TMC3: variants seen among roughly 807,000 people sequenced by gnomAD.
TMC3 encodes transmembrane channel like 3.
In TMC3, 98 loss-of-function variants were observed where a neutral mutation model predicts 110.6. That is an observed-to-expected ratio of 0.89 (90% CI 0.75 to 1.05). The LOEUF (loss-of-function observed/expected upper bound fraction) is 1.05, where lower values mean the gene tolerates loss of function less well. Ranked by LOEUF, TMC3 falls within the 50% of genes least tolerant of loss-of-function variation. TMC3 has a pLI of 0.00. For synonymous variants in TMC3, 489 were observed against 513.1 expected, an observed-to-expected ratio of 0.95 and a Z score of 0.63; for missense variants, 1,319 against 1,373.2, an observed-to-expected ratio of 0.96 and a Z score of 0.62.
intron 1 of TMC3, 133 bp from the exon 2 acceptor site, chr15:81,372,870 C>CGTGTGTGTGTGTGTGTGT (rs58420711): frequency 2.2e-5 from 12 of 555,616 alleles, no homozygotes; most frequent in African/African-American, 9.3e-5. Context: ...TGTGTTTGTG[C>CGTGTGTGTGTGTGTGTGT]GTGTGTGTGT....
At chr15:81,359,154 C>T (rs1238739957) in intron 5 of TMC3, among the ~76,000 whole-genome samples, 10 of 152,306 alleles carry the variant, frequency 6.6e-5, no homozygotes, top group South Asian at 6.2e-4. Flanking sequence ...TTGTGCTACA[C>T]GGCAGATTTG....
chr15:81,373,969 G>A lies in TMC3; in HGVS notation c.89+20C>T. 1 of 1,610,910 alleles carries A rather than the reference G, an allele frequency of 6.2e-7. No homozygotes were observed. The highest frequency in any genetic ancestry group is 8.5e-7 in the Non-Finnish European group (1 of 1,178,380). On this transcript the variant is annotated intron_variant, in intron 1 of 21. Transcript: ENST00000359440. Reference sequence around the variant, plus strand: ...ACACACCTGACTCCTCTGCCCAGCTGATGAATGGGGCCAGCTCACCTGAGC... The same window carrying A: ...ACACACCTGACTCCTCTGCCCAGCTAATGAATGGGGCCAGCTCACCTGAGC...
intron 1 of TMC3, 133 bp from the exon 2 acceptor site, chr15:81,372,870 C>CGTGTGTGT (rs58420711): frequency 0.29 from 158,701 of 551,980 alleles, 13,995 homozygotes; most frequent in Non-Finnish European, 0.33. Flanking sequence ...TGTGTTTGTG[C>CGTGTGTGT]GTGTGTGTGT....
chr15:81,367,250 C>G lies in TMC3; in HGVS notation c.312+1003G>C, dbSNP rs535385040. ...TACATTTATCTGATGGAATACCACA[C>G]AGTCATTGAAAACCATTAAATATAA... On this transcript the variant is annotated intron_variant, in intron 3 of 21. Transcript: ENST00000359440. Among the ~76,000 whole-genome samples, 4 of 152,168 alleles carry G rather than the reference C, an allele frequency of 2.6e-5. No individual in the cohort carries two copies. In the South Asian group the frequency reaches 8.3e-4, roughly 32 times the overall value.
chr15:81,336,919 A>G (rs1324230506), intron 19 of TMC3, among the ~76,000 whole-genome samples: 11 of 152,232 alleles, frequency 7.2e-5, no homozygotes, highest in Non-Finnish European at 2.9e-5. Flanking sequence ...GATTCTGTCC[A>G]TAATAGTTTG....
Position 81,372,664 on chromosome 15 carries a change from G to C in TMC3, c.163C>G (p.Gln55Glu). ...NDPEQIFQNIQFQKDLMANIR... is the reference protein window; with the variant it reads ...NDPEQIFQNIEFQKDLMANIR... ...TTTGCCATGAGATCTTTCTGGAACT[G>C]TATATTCTGGAAGATTTGTTCCGGA... The change falls in exon 2 of 22, where the codon CAG (glutamine) becomes GAG (glutamate). Residue 55 changes from glutamine to glutamate, a missense_variant. Coordinates refer to ENST00000359440, the MANE Select transcript of TMC3 (RefSeq NM_001080532.3). 6.2e-7 allele frequency: 1 copy of C among 1,613,986 alleles called. No individual in the cohort carries two copies. The highest frequency in any genetic ancestry group is 1.3e-5 in the African/African-American group (1 of 75,046).
chr15:81,356,702 TGGAC>T, intron 7 of TMC3, 108 bp from the exon 8 acceptor site: 1 of 1,239,254 alleles, frequency 8.1e-7, no homozygotes, highest in Non-Finnish European at 1.1e-6. Flanking sequence ...CCCCTCTGGG[TGGAC>T]GCAGCTCCTC....
rs554759164 is a variant in TMC3, at chr15:81,365,105, G to A, written c.313-2804C>T. Among the ~76,000 whole-genome samples, 16 of 151,954 alleles carry A rather than the reference G, an allele frequency of 1.1e-4. No homozygotes were observed. The East Asian group carries it at 1.2e-3, about 11-fold the overall frequency. ...CTGTGATATATTTATAAAAACAAACGTTTCCATAATACTTTAACTCTAAGA... is the reference window on the plus strand; with the variant it reads ...CTGTGATATATTTATAAAAACAAACATTTCCATAATACTTTAACTCTAAGA... On this transcript the variant is annotated intron_variant, in intron 3 of 21. Coordinates refer to ENST00000359440, the MANE Select transcript of TMC3 (RefSeq NM_001080532.3).
At chr15:81,348,228 C>A (rs115570244) in intron 11 of TMC3, among the ~76,000 whole-genome samples, 236 of 152,258 alleles carry the variant, frequency 1.5e-3, no homozygotes, top group African/African-American at 5.3e-3. Context: ...TGAATGAGAG[C>A]AAATCTTCCC....
At chr15:81,338,819 C>G (rs770641291) in intron 17 of TMC3, 39 bp from the exon 18 acceptor site, 241 of 1,607,858 alleles carry the variant, frequency 1.5e-4, no homozygotes, top group Non-Finnish European at 2.0e-4. Context: ...TTTTATTGCT[C>G]TTGGCAGAAA....
At chr15:81,345,292 G>C (rs757644663) in intron 12 of TMC3, among the ~76,000 whole-genome samples, 34 of 149,838 alleles carry the variant, frequency 2.3e-4, no homozygotes, top group Non-Finnish European at 3.5e-4. Flanking sequence ...AAGAGCTTTA[G>C]ATAACGATTA....
chr15:81,350,216 C>T (rs971885966), intron 10 of TMC3, among the ~76,000 whole-genome samples: 1 of 152,184 alleles, frequency 6.6e-6, no homozygotes, highest in African/African-American at 2.4e-5. Flanking sequence ...GCCTGGGCAA[C>T]AGAGTGAAAC....
chr15:81,351,874 C>T (rs745900860), intron 9 of TMC3, 33 bp from the exon 10 acceptor site: 82 of 1,608,068 alleles, frequency 5.1e-5, no homozygotes, highest in Non-Finnish European at 6.0e-5. Context: ...GAACGGTACA[C>T]AGGGTCCTGC....
intron 16 of TMC3, 90 bp downstream of exon 16, chr15:81,341,300 C>T: frequency 7.3e-7 from 1 of 1,373,980 alleles, no homozygotes; most frequent in East Asian, 2.7e-5. Context: ...TTGGGGGGAC[C>T]CTTTGCTAGA....
chr15:81,357,330 A>G (rs1374687773), intron 7 of TMC3, among the ~76,000 whole-genome samples: 1 of 151,852 alleles, frequency 6.6e-6, no homozygotes, highest in East Asian at 1.9e-4. Flanking sequence ...AAGTGCTTCT[A>G]TCTGCATTTT....
chr15:81,340,216 C>T (rs1240610808), intron 16 of TMC3, among the ~76,000 whole-genome samples: 2 of 123,790 alleles, frequency 1.6e-5, no homozygotes, highest in East Asian at 2.5e-4. Flanking sequence ...CTGTCTCTCT[C>T]TGTCTCTGTC....
intron 14 of TMC3, 89 bp downstream of exon 14, chr15:81,343,828 A>G: frequency 6.9e-7 from 1 of 1,456,574 alleles, no homozygotes; most frequent in Non-Finnish European, 9.4e-7. Flanking sequence ...TGTCCCCCTC[A>G]ACTATGCTGG....
intron 20 of TMC3, among the ~76,000 whole-genome samples, chr15:81,335,222 A>T (rs1253866165): frequency 6.6e-6 from 1 of 152,210 alleles, no homozygotes; most frequent in Admixed American, 6.5e-5. Flanking sequence ...GCTCCATCTG[A>T]TGCTCCCATG....
At chr15:81,372,811 C>T in intron 1 of TMC3, 74 bp from the exon 2 acceptor site, 1 of 1,528,432 alleles carries the variant, frequency 6.5e-7, no homozygotes. Context: ...TTGCCCTGGG[C>T]ACAAGTTCAG....
Sources: allele counts gnomAD v4.1 joint callset (sites outside exome capture counted in the v4.1 genomes callset), GRCh38; gene constraint gnomAD v4.1.1; transcripts MANE v1.5; gene names NCBI Gene and HGNC (gene_info 2026-07-23, HGNC 2026-07-21).